Variants in PSEN1 observed in about 807,000 individuals in gnomAD.
PSEN1 encodes presenilin-1.
In PSEN1, 15 loss-of-function variants were observed where a neutral mutation model predicts 53.5. The observed-to-expected ratio is 0.28, with a 90% confidence interval of 0.19 to 0.43. PSEN1 has a LOEUF of 0.43. Among genes scored for constraint, PSEN1 ranks in the 20% least tolerant of loss-of-function variants. PSEN1 has a pLI of 1.00. For synonymous variants in PSEN1, 208 were observed against 209.8 expected, an observed-to-expected ratio of 0.99 and a Z score of 0.08; for missense variants, 387 against 571.2, an observed-to-expected ratio of 0.68 and a Z score of 3.29.
chr14:73,194,499 G>A (rs570774605), intron 7 of PSEN1, among the ~76,000 whole-genome samples: 3 of 150,674 alleles, frequency 2.0e-5, no homozygotes, highest in African/African-American at 7.3e-5. Context: ...GGCCTCAAGC[G>A]ATCCTCCCAC....
At chr14:73,202,361 T>G (rs1566648000) in intron 8 of PSEN1, among the ~76,000 whole-genome samples, 1 of 140,508 alleles carries the variant, frequency 7.1e-6, no homozygotes, top group African/African-American at 2.6e-5. Context: ...TAAACATGTA[T>G]GTTAATTTAA....
intron 5 of PSEN1, among the ~76,000 whole-genome samples, chr14:73,184,780 C>T (rs1288011678): frequency 1.8e-4 from 24 of 133,168 alleles, no homozygotes; most frequent in South Asian, 1.0e-3. Context: ...GGGGTGGCTG[C>T]CGGGCGGAGA....
intron 3 of PSEN1, among the ~76,000 whole-genome samples, chr14:73,161,594 A>G (rs111319748): frequency 6.6e-6 from 1 of 152,244 alleles, no homozygotes; most frequent in Non-Finnish European, 1.5e-5. Context: ...GAGACACCCC[A>G]GGCTCAAGCT....
intron 10 of PSEN1, among the ~76,000 whole-genome samples, chr14:73,214,476 G>A (rs1594756348): frequency 6.7e-6 from 1 of 150,240 alleles, no homozygotes; most frequent in East Asian, 2.0e-4. Flanking sequence ...GTTGCAGTGA[G>A]CTGAGATCAT....
chr14:73,142,095 T>A (rs972382797), intron 1 of PSEN1, among the ~76,000 whole-genome samples: 1 of 151,530 alleles, frequency 6.6e-6, no homozygotes, highest in Non-Finnish European at 1.5e-5. Context: ...AGAAACTACA[T>A]CTCAATAATA....
intron 5 of PSEN1, among the ~76,000 whole-genome samples, chr14:73,175,694 C>T (rs117484602): frequency 4.8e-3 from 737 of 152,218 alleles, no homozygotes; most frequent in Non-Finnish European, 8.5e-3. Flanking sequence ...TCTCAAATGT[C>T]CCTGATGTTG....
At chr14:73,141,832 C>T (rs1443681291) in intron 1 of PSEN1, among the ~76,000 whole-genome samples, 1 of 151,830 alleles carries the variant, frequency 6.6e-6, no homozygotes, top group Non-Finnish European at 1.5e-5. Context: ...CTTTGGGAGG[C>T]AGAGGCTGGC....
At chr14:73,196,932 CTT>C (rs557577799) in intron 7 of PSEN1, among the ~76,000 whole-genome samples, 28 of 128,866 alleles carry the variant, frequency 2.2e-4, no homozygotes, top group Admixed American at 2.1e-3. Flanking sequence ...TTCTTTCTTT[CTT>C]TTTTTTTTTT....
chr14:73,184,028 G>A lies in PSEN1; in HGVS notation c.481-2825G>A, dbSNP rs1290267597. Among the ~76,000 whole-genome samples, 7 of 130,834 alleles carry A rather than the reference G, an allele frequency of 5.4e-5. 1 individual carries two copies. The highest frequency in any genetic ancestry group is 4.8e-5 in the Non-Finnish European group (3 of 62,318). 85.8% of individuals were successfully genotyped at this position (130,834 alleles called of 152,430 possible). On this transcript the variant is annotated intron_variant, in intron 5 of 11. Coordinates refer to ENST00000324501, the MANE Select transcript of PSEN1 (RefSeq NM_000021.4). ...GGGCAGAGGCGCCCCTCACCTCCCGGACGGGGCGGCTGGCCAGGCGGGGGG... is the reference window on the plus strand; with the variant it reads ...GGGCAGAGGCGCCCCTCACCTCCCGAACGGGGCGGCTGGCCAGGCGGGGGG...
chr14:73,171,114 C>T (rs1291217515), intron 4 of PSEN1, 67 bp downstream of exon 4: 2 of 1,582,898 alleles, frequency 1.3e-6, no homozygotes, highest in Non-Finnish European at 1.7e-6. Flanking sequence ...ATGTCATCAT[C>T]ACCTTGAAGG....
intron 5 of PSEN1, among the ~76,000 whole-genome samples, chr14:73,184,877 T>A (rs1898427212): frequency 6.9e-6 from 1 of 144,540 alleles, no homozygotes; most frequent in South Asian, 2.2e-4. Flanking sequence ...GAGGGGCTCC[T>A]CACTTCTCAG....
At chr14:73,196,534 C>T (rs1295897187) in intron 7 of PSEN1, among the ~76,000 whole-genome samples, 6 of 133,848 alleles carry the variant, frequency 4.5e-5, no homozygotes, top group South Asian at 4.7e-4. Flanking sequence ...TAGGCAGTGG[C>T]GCCATCTTGG....
Position 73,211,805 on chromosome 14 carries a change from A to G in PSEN1, c.992A>G (p.Asn331Ser). ...GAGTCACAAGACACTGTTGCAGAGAATGATGATGGCGGGTTCAGTGAGGAA... is the reference window on the plus strand; with the variant it reads ...GAGTCACAAGACACTGTTGCAGAGAGTGATGATGGCGGGTTCAGTGAGGAA... The part of the protein sequence containing the change: ...ERESQDTVAE[N>S]DDGGFSEEWE... Residue 331 changes from asparagine to serine, a missense_variant, in exon 10 of 12, where the codon AAT becomes AGT. Physicochemically the swap from Asn to Ser is conservative, Grantham distance 46. Around this residue, in one of 4 missense-constraint regions of PSEN1, gnomAD observed 75 missense variants for 63.7 expected, o/e 1.18. Transcript: ENST00000324501. 1 of 1,614,084 alleles carries G rather than the reference A, an allele frequency of 6.2e-7. No homozygotes were observed. The highest frequency in any genetic ancestry group is 8.5e-7 in the Non-Finnish European group (1 of 1,179,980).
At chr14:73,211,187 G>A in intron 9 of PSEN1, among the ~76,000 whole-genome samples, 1 of 152,154 alleles carries the variant, frequency 6.6e-6, no homozygotes, top group East Asian at 1.9e-4. Context: ...GAAATTTGTA[G>A]GGTTGGTTAA....
In PSEN1 at chr14:73,197,977, A is replaced by G. The variant is rs1031301465; in HGVS notation, c.770-54A>G. On this transcript the variant is annotated intron_variant, in intron 7 of 11. Transcript: ENST00000324501. Reference sequence around the variant, plus strand: ...GTTAATTCCTCCCTACCACCCATTTACAAGTTTAGCCCATACATTTTATTA... The same window carrying G: ...GTTAATTCCTCCCTACCACCCATTTGCAAGTTTAGCCCATACATTTTATTA... 1.4e-5 allele frequency: 14 copies of G among 982,830 alleles called. No individual in the cohort carries two copies. The African/African-American group carries it at 2.1e-4, about 15-fold the overall frequency. The allele number at this position is 982,830 out of a possible 1,614,324, so 60.9% of individuals were successfully genotyped here. A position where few individuals can be genotyped will look rare whatever the true frequency, so the allele number is the denominator to read the frequency against.
rs1900078449 is a variant in PSEN1 at position 73,219,901 on chromosome 14, A to C, written c.*612A>C. ...ACTTGTTTTCCCCTCTCTTTGAGTC[A>C]AGTCAAATATGTAGATTGCCTTTGG... On this transcript the variant is annotated 3_prime_UTR_variant, in exon 12 of 12. Transcript: ENST00000324501. 1 of 154,092 alleles carries C rather than the reference A, an allele frequency of 6.5e-6. No individual in the cohort carries two copies. Among genetic ancestry groups the C allele is most frequent in the South Asian group, 2.0e-4 (1 of 4,922 alleles). 9.5% of individuals were successfully genotyped at this position (154,092 alleles called of 1,614,324 possible).
chr14:73,193,342 T>C (rs534134716), intron 7 of PSEN1, among the ~76,000 whole-genome samples: 2 of 151,404 alleles, frequency 1.3e-5, no homozygotes, highest in African/African-American at 2.4e-5. Context: ...CTTTTTGAGG[T>C]TTTGACAAGC....
chr14:73,152,440 GAA>G (rs560079238), intron 3 of PSEN1, among the ~76,000 whole-genome samples: 32 of 104,020 alleles, frequency 3.1e-4, no homozygotes, highest in African/African-American at 8.9e-4. Context: ...TTTCTACTAA[GAA>G]AAAAAAAAAA....
Position 73,173,641 on chromosome 14 carries a change from C to T in PSEN1, c.414C>T (p.Ile138=), listed in dbSNP as rs1897957676. The change falls in exon 5 of 12, where the codon ATC becomes ATT. Residue 138 remains isoleucine, a synonymous_variant. Coordinates refer to ENST00000324501, the MANE Select transcript of PSEN1 (RefSeq NM_000021.4). ...RALHSILNAA[I]MISVIVVMTI... is the part of the protein sequence containing the mutation. Reference sequence around the variant, plus strand: ...TGCACTCAATTCTGAATGCTGCCATCATGATCAGTGTCATTGTTGTCATGA... The same window carrying T: ...TGCACTCAATTCTGAATGCTGCCATTATGATCAGTGTCATTGTTGTCATGA... 1 of 1,613,684 alleles carries T rather than the reference C, an allele frequency of 6.2e-7. No individual in the cohort carries two copies. The highest frequency in any genetic ancestry group is 1.7e-5 in the Admixed American group (1 of 60,000).
Sources: allele counts gnomAD v4.1 joint callset (sites outside exome capture counted in the v4.1 genomes callset), GRCh38; gene constraint gnomAD v4.1.1; regional missense constraint gnomAD v4.1.1; transcripts MANE v1.5; gene names NCBI Gene and HGNC (gene_info 2026-07-23, HGNC 2026-07-21).